ADAMTS6: variants seen among roughly 807,000 people sequenced by gnomAD.
ADAMTS6 encodes the protein ADAM metallopeptidase with thrombospondin type 1 motif 6.
A neutral mutation model predicts 144.3 loss-of-function variants in ADAMTS6; 23 were observed. The ratio of observed to expected loss-of-function variants is 0.16; its 90% CI spans 0.11 to 0.23. The LOEUF is 0.23. Among genes scored for constraint, ADAMTS6 ranks in the 10% least tolerant of loss-of-function variants. ADAMTS6 has a pLI of 1.00. For synonymous variants in ADAMTS6, 444 were observed against 457.5 expected (o/e 0.97, Z 0.38); for missense variants, 999 against 1,379.6 (o/e 0.72, Z 4.37).
At chr5:65,374,957 A>T (rs962019912) in intron 7 of ADAMTS6, among the ~76,000 whole-genome samples, 1 of 152,202 alleles carries the variant, frequency 6.6e-6, no homozygotes, top group East Asian at 1.9e-4. Context: ...ATAATGCCAC[A>T]TATCTACAAC....
At chr5:65,349,918 TAC>T (rs1748696276) in intron 7 of ADAMTS6, among the ~76,000 whole-genome samples, 1 of 151,924 alleles carries the variant, frequency 6.6e-6, no homozygotes, top group Non-Finnish European at 1.5e-5. Context: ...AGCAGCACAC[TAC>T]AGTGTCTTAT....
chr5:65,160,539 C>T (rs1049919734), intron 24 of ADAMTS6, among the ~76,000 whole-genome samples: 2 of 152,064 alleles, frequency 1.3e-5, no homozygotes, highest in African/African-American at 4.8e-5. Context: ...CTCCTGACCT[C>T]GTGATCTGCC....
chr5:65,281,935 G>C (rs756733218), intron 11 of ADAMTS6, among the ~76,000 whole-genome samples: 10 of 151,848 alleles, frequency 6.6e-5, no homozygotes, highest in Admixed American at 6.6e-5. Flanking sequence ...CGTTAAACCA[G>C]ACTAAAAAAT....
intron 24 of ADAMTS6, among the ~76,000 whole-genome samples, chr5:65,160,393 G>A (rs1349012543): frequency 4.0e-5 from 6 of 149,374 alleles, no homozygotes; most frequent in Non-Finnish European, 8.9e-5. Flanking sequence ...TGCAAGCTCC[G>A]CCTCCCGGGT....
At chr5:65,229,782 G>C (rs1328078297) in intron 15 of ADAMTS6, among the ~76,000 whole-genome samples, 1 of 152,052 alleles carries the variant, frequency 6.6e-6, no homozygotes, top group Admixed American at 6.6e-5. Context: ...ACATCACCAA[G>C]ATAACTACAT....
At chr5:65,318,513 C>T (rs1195365749) in intron 9 of ADAMTS6, among the ~76,000 whole-genome samples, 1 of 152,128 alleles carries the variant, frequency 6.6e-6, no homozygotes, top group African/African-American at 2.4e-5. Context: ...TAGAGAAAAT[C>T]TGGTACATAT....
At chr5:65,450,985 C>G (rs964489176) in intron 7 of ADAMTS6, among the ~76,000 whole-genome samples, 4 of 152,258 alleles carry the variant, frequency 2.6e-5, no homozygotes, top group African/African-American at 9.6e-5. Context: ...GTTTATATAT[C>G]TTAAAGTATT....
intron 21 of ADAMTS6, among the ~76,000 whole-genome samples, chr5:65,194,028 G>GT (rs777371143): frequency 4.6e-5 from 7 of 151,934 alleles, no homozygotes; most frequent in Non-Finnish European, 7.4e-5. Flanking sequence ...TGGTTTATAG[G>GT]TTTTTTTGTT....
chr5:65,347,186 GA>G (rs1307387730), intron 7 of ADAMTS6, among the ~76,000 whole-genome samples: 51 of 148,750 alleles, frequency 3.4e-4, no homozygotes, highest in East Asian at 7.8e-4. Flanking sequence ...CACAGAAATA[GA>G]AAAAAAAAAT....
At chr5:65,395,656 C>T (rs1220536882) in intron 7 of ADAMTS6, among the ~76,000 whole-genome samples, 2 of 152,116 alleles carry the variant, frequency 1.3e-5, no homozygotes, top group African/African-American at 2.4e-5. Flanking sequence ...GGAATAGTTC[C>T]ATCTCCTTTT....
intron 7 of ADAMTS6, among the ~76,000 whole-genome samples, chr5:65,440,190 A>G (rs922591474): frequency 1.3e-5 from 2 of 152,234 alleles, no homozygotes; most frequent in African/African-American, 4.8e-5. Flanking sequence ...TCTCAAAAGT[A>G]AGACAGAAAT....
At chr5:65,364,540 A>G (rs1256285272) in intron 7 of ADAMTS6, among the ~76,000 whole-genome samples, 1 of 148,228 alleles carries the variant, frequency 6.7e-6, no homozygotes, top group Non-Finnish European at 1.5e-5. Context: ...GTTATTGACT[A>G]TGGAATCCTG....
chr5:65,420,630 C>T (rs1330425784), intron 7 of ADAMTS6, among the ~76,000 whole-genome samples: 1 of 150,962 alleles, frequency 6.6e-6, no homozygotes, highest in South Asian at 2.1e-4. Flanking sequence ...ATCCATCTGC[C>T]TTGGCCTCCC....
chr5:65,450,591 T>C (rs1758660856), intron 7 of ADAMTS6, among the ~76,000 whole-genome samples: 1 of 152,194 alleles, frequency 6.6e-6, no homozygotes, highest in Admixed American at 6.5e-5. Flanking sequence ...TATTTTAAAA[T>C]ATTGATAAGA....
intron 20 of ADAMTS6, among the ~76,000 whole-genome samples, 156 bp from the exon 21 acceptor site, chr5:65,197,307 G>C (rs1270255287): frequency 6.6e-6 from 1 of 152,022 alleles, no homozygotes; most frequent in Non-Finnish European, 1.5e-5. Flanking sequence ...GAGAAGACCT[G>C]GTCATTATAC....
At chr5:65,204,904 T>C (rs1159591813) in intron 20 of ADAMTS6, among the ~76,000 whole-genome samples, 1 of 152,204 alleles carries the variant, frequency 6.6e-6, no homozygotes, top group East Asian at 1.9e-4. Context: ...AAACTAACTA[T>C]ATAATTATGT....
chr5:65,245,252 T>A (rs537591349), intron 14 of ADAMTS6, among the ~76,000 whole-genome samples: 1 of 152,254 alleles, frequency 6.6e-6, no homozygotes, highest in East Asian at 1.9e-4. Flanking sequence ...CCCAGGCTTT[T>A]TTGTCAGCTG....
At chr5:65,221,109 G>C (rs1757295928) in intron 18 of ADAMTS6, among the ~76,000 whole-genome samples, 1 of 151,962 alleles carries the variant, frequency 6.6e-6, no homozygotes, top group Non-Finnish European at 1.5e-5. Context: ...CAGACTTCCA[G>C]AAAACAGAGG....
chr5:65,236,483 C>T (rs553083642), intron 15 of ADAMTS6, among the ~76,000 whole-genome samples: 3 of 152,158 alleles, frequency 2.0e-5, no homozygotes, highest in Admixed American at 6.5e-5. Context: ...GACAAGGTCT[C>T]ACTATGTTGC....
Sources: gnomAD v4.1 joint callset for allele counts (sites outside exome capture counted in the v4.1 genomes callset) on GRCh38, gnomAD v4.1.1 for gene constraint, MANE v1.5 for transcripts, NCBI Gene and HGNC (gene_info 2026-07-23, HGNC 2026-07-21) for gene names.